KRABD5: variants seen among roughly 807,000 people sequenced by gnomAD.
The protein encoded by KRABD5 is KRAB domain-containing protein 5.
the KRABD5 span, among the ~76,000 whole-genome samples, chr16:31,733,848 G>A: frequency 6.6e-6 from 1 of 152,146 alleles, no homozygotes; most frequent in African/African-American, 2.4e-5. Context: ...TAATGCTGCA[G>A]GGTACATGGG....
At chr16:31,723,149 A>G in the KRABD5 span, 3 of 1,179,026 alleles carry the variant, frequency 2.5e-6, no homozygotes, top group Non-Finnish European at 3.6e-6. Context: ...TATTTGGGGA[A>G]GTAATTTTCT....
the KRABD5 span, chr16:31,759,442 G>A: frequency 6.5e-7 from 1 of 1,528,346 alleles, no homozygotes; most frequent in Admixed American, 2.0e-5. Context: ...TTCTGAGGGT[G>A]ATGAAAGTGT....
the KRABD5 span, among the ~76,000 whole-genome samples, chr16:31,739,408 C>T: frequency 2.0e-5 from 3 of 152,044 alleles, no homozygotes; most frequent in Non-Finnish European, 2.9e-5. Context: ...TTTGCTGAGA[C>T]ATCTGCTGGT....
At chr16:31,715,777 T>G in the KRABD5 span, among the ~76,000 whole-genome samples, 3 of 152,066 alleles carry the variant, frequency 2.0e-5, no homozygotes, top group Non-Finnish European at 4.4e-5. Flanking sequence ...TTGGCTGGTG[T>G]TCAGCAAACT....
the KRABD5 span, among the ~76,000 whole-genome samples, chr16:31,753,452 C>T: frequency 3.0e-4 from 45 of 152,238 alleles, no homozygotes; most frequent in Non-Finnish European, 4.0e-4. Flanking sequence ...ATTTTTCTTT[C>T]CTGAGAGCGA....
the KRABD5 span, chr16:31,753,862 C>T: frequency 1.3e-6 from 2 of 1,551,110 alleles, no homozygotes; most frequent in African/African-American, 2.7e-5. Context: ...AGCTGTGGCC[C>T]TCAGAATTTA....
At chr16:31,724,401 C>T in the KRABD5 span, among the ~76,000 whole-genome samples, 4 of 152,088 alleles carry the variant, frequency 2.6e-5, no homozygotes, top group Admixed American at 2.6e-4. Flanking sequence ...TAAAGATCTA[C>T]TGTGGGCCGG....
At chr16:31,722,104 C>T in the KRABD5 span, among the ~76,000 whole-genome samples, 1 of 151,986 alleles carries the variant, frequency 6.6e-6, no homozygotes, top group African/African-American at 2.4e-5. Context: ...GACGGAATTT[C>T]GCTCTTGTTG....
the KRABD5 span, among the ~76,000 whole-genome samples, chr16:31,732,820 T>G: frequency 6.6e-6 from 1 of 152,210 alleles, no homozygotes; most frequent in Non-Finnish European, 1.5e-5. Context: ...ATGCATTTCC[T>G]GTGACATTTT....
the KRABD5 span, among the ~76,000 whole-genome samples, chr16:31,744,303 T>C: frequency 1.3e-5 from 2 of 152,248 alleles, no homozygotes; most frequent in Non-Finnish European, 2.9e-5. Context: ...GTTCCATCAA[T>C]ACCTAGTTTA....
the KRABD5 span, chr16:31,713,508 G>T: frequency 1.3e-6 from 2 of 1,553,908 alleles, no homozygotes; most frequent in Non-Finnish European, 1.7e-6. Flanking sequence ...CCTCTTTGAG[G>T]TTAGCTTCGG....
chr16:31,739,595 T>A, the KRABD5 span, among the ~76,000 whole-genome samples: 981 of 152,290 alleles, frequency 6.4e-3, 8 homozygotes, highest in African/African-American at 0.023. Context: ...ATTTTCTCCC[T>A]CAAATTTGGA....
the KRABD5 span, among the ~76,000 whole-genome samples, chr16:31,747,794 A>G: frequency 1.3e-5 from 2 of 152,308 alleles, no homozygotes; most frequent in South Asian, 4.1e-4. Context: ...TCTTCTTTTG[A>G]GAAGTGTCTG....
chr16:31,741,942 T>C, the KRABD5 span, among the ~76,000 whole-genome samples: 986 of 152,260 alleles, frequency 6.5e-3, 9 homozygotes, highest in African/African-American at 0.023. Context: ...AAATCTTTAA[T>C]CATCTTGAGT....
the KRABD5 span, among the ~76,000 whole-genome samples, chr16:31,729,251 C>T: frequency 1.4e-4 from 21 of 152,274 alleles, 1 homozygote; most frequent in African/African-American, 2.6e-4. Context: ...TGTTTTAAAT[C>T]CATTTTGTGC....
At chr16:31,735,534 A>G in the KRABD5 span, among the ~76,000 whole-genome samples, 9 of 152,144 alleles carry the variant, frequency 5.9e-5, no homozygotes, top group Non-Finnish European at 1.0e-4. Flanking sequence ...TCAACAGTAT[A>G]TATGTGTTCC....
At chr16:31,723,152 A>T in the KRABD5 span, 1 of 1,243,098 alleles carries the variant, frequency 8.0e-7, no homozygotes. Flanking sequence ...TTGGGGAAGT[A>T]ATTTTCTAGG....
At chr16:31,723,548 C>T in the KRABD5 span, among the ~76,000 whole-genome samples, 4 of 152,208 alleles carry the variant, frequency 2.6e-5, no homozygotes, top group Non-Finnish European at 4.4e-5. Context: ...GATTATTCTC[C>T]TTACCCTTCT....
the KRABD5 span, among the ~76,000 whole-genome samples, chr16:31,741,009 T>C: frequency 6.6e-6 from 1 of 152,178 alleles, no homozygotes; most frequent in Non-Finnish European, 1.5e-5. Context: ...ATTGTCTCTT[T>C]TCCCCATCTT....
Sources: gnomAD v4.1 joint callset for allele counts (sites outside exome capture counted in the v4.1 genomes callset) on GRCh38, gnomAD v4.1.1 for gene constraint, MANE v1.5 for transcripts, NCBI Gene and HGNC (gene_info 2026-07-23, HGNC 2026-07-21) for gene names.